TRAF3: variants seen among roughly 807,000 people sequenced by gnomAD.
TRAF3 encodes TNF receptor-associated factor 3.
TRAF3 carries 13 observed loss-of-function variants against 62.3 expected under a neutral mutation model. The ratio of observed to expected loss-of-function variants is 0.21; its 90% CI spans 0.14 to 0.33. TRAF3 has a LOEUF of 0.33. Among genes scored for constraint, TRAF3 ranks in the 10% least tolerant of loss-of-function variants. The pLI is 1.00. For missense variants in TRAF3, 440 were observed against 741.8 expected, an observed-to-expected ratio of 0.59 and a Z score of 4.73; for synonymous variants, 269 against 283.4, an observed-to-expected ratio of 0.95 and a Z score of 0.51.
At chr14:102,820,769 A>G (rs1192664235) in intron 1 of TRAF3, among the ~76,000 whole-genome samples, 1 of 149,922 alleles carries the variant, frequency 6.7e-6, no homozygotes, top group South Asian at 2.1e-4. Context: ...AGCTGGGGTT[A>G]TAGGCACCCA....
intron 3 of TRAF3, 60 bp downstream of exon 3, chr14:102,870,506 C>A (rs1888277985): frequency 6.3e-7 from 1 of 1,595,240 alleles, no homozygotes; most frequent in Non-Finnish European, 8.5e-7. Context: ...CTCACCCTCT[C>A]CTTCATTCGT....
At chr14:102,839,614 T>C (rs1334609216) in intron 2 of TRAF3, among the ~76,000 whole-genome samples, 1 of 152,252 alleles carries the variant, frequency 6.6e-6, no homozygotes, top group Admixed American at 6.5e-5. Context: ...TGCAGGTGGC[T>C]GTTTTCGGTC....
intron 10 of TRAF3, among the ~76,000 whole-genome samples, chr14:102,902,085 C>G (rs1220725839): frequency 2.6e-5 from 4 of 152,254 alleles, no homozygotes; most frequent in Non-Finnish European, 5.9e-5. Flanking sequence ...ACAGCTCCCA[C>G]CCCTCCAGGT....
intron 8 of TRAF3, among the ~76,000 whole-genome samples, chr14:102,890,189 T>G (rs1049833882): frequency 6.6e-6 from 1 of 152,194 alleles, no homozygotes; most frequent in African/African-American, 2.4e-5. Context: ...CTGCCGCACA[T>G]GTAGTGTGAG....
intron 1 of TRAF3, among the ~76,000 whole-genome samples, chr14:102,783,047 C>G (rs1172691211): frequency 1.3e-5 from 2 of 152,160 alleles, no homozygotes; most frequent in Admixed American, 1.3e-4. Flanking sequence ...GGCCTGCGTA[C>G]ACAAGGTAAT....
intron 1 of TRAF3, among the ~76,000 whole-genome samples, chr14:102,787,259 T>TC (rs1897552989): frequency 6.6e-6 from 1 of 152,214 alleles, no homozygotes. Context: ...AATCACAGTA[T>TC]ATTTGCACAA....
At chr14:102,898,254 A>T (rs769175317) in intron 10 of TRAF3, among the ~76,000 whole-genome samples, 11 of 152,358 alleles carry the variant, frequency 7.2e-5, no homozygotes, top group Non-Finnish European at 1.0e-4. Flanking sequence ...TATTAAATTA[A>T]TTTCATTTTT....
At chr14:102,834,811 G>A (rs974264266) in intron 2 of TRAF3, among the ~76,000 whole-genome samples, 1 of 151,800 alleles carries the variant, frequency 6.6e-6, no homozygotes, top group South Asian at 2.1e-4. Context: ...AGACAACCTA[G>A]GCAATACCAT....
chr14:102,877,094 T>C (rs1888718353), intron 6 of TRAF3, among the ~76,000 whole-genome samples: 1 of 148,172 alleles, frequency 6.7e-6, no homozygotes, highest in African/African-American at 2.6e-5. Context: ...GACCTTGTGC[T>C]CGATTCATAG....
chr14:102,883,231 G>T (rs1889168565), intron 6 of TRAF3, among the ~76,000 whole-genome samples: 2 of 152,224 alleles, frequency 1.3e-5, no homozygotes, highest in African/African-American at 4.8e-5. Flanking sequence ...ACGACAAGGA[G>T]ATGTGTCATA....
At chr14:102,811,550 G>GTTTTTTTTT (rs35064640) in intron 1 of TRAF3, among the ~76,000 whole-genome samples, 1 of 79,478 alleles carries the variant, frequency 1.3e-5, no homozygotes. Flanking sequence ...GCTGTAGGCG[G>GTTTTTTTTT]TTTTTTTTTT....
chr14:102,860,927 C>T (rs1383539439), intron 2 of TRAF3, among the ~76,000 whole-genome samples: 1 of 152,210 alleles, frequency 6.6e-6, no homozygotes, highest in African/African-American at 2.4e-5. Context: ...CATATGATTA[C>T]AAGGTCAAGC....
intron 4 of TRAF3, among the ~76,000 whole-genome samples, chr14:102,873,658 G>A (rs536269507): frequency 1.4e-4 from 21 of 152,270 alleles, no homozygotes; most frequent in South Asian, 8.3e-4. Context: ...AGGGGTGGGC[G>A]GGCCTCTGGT....
At chr14:102,869,804 TAA>T (rs1168298718) in intron 2 of TRAF3, among the ~76,000 whole-genome samples, 39 of 132,844 alleles carry the variant, frequency 2.9e-4, no homozygotes, top group Non-Finnish European at 3.0e-4. Flanking sequence ...AGACTCCGTC[TAA>T]AAAAAAAAAA....
In TRAF3 at chr14:102,812,733, C is replaced by G. The variant is rs560432470; in HGVS notation, c.-156-17601C>G. Among the ~76,000 whole-genome samples, 46 of 149,976 alleles carry G rather than the reference C, an allele frequency of 3.1e-4. 1 individual carries two copies. On this transcript the variant is annotated intron_variant, in intron 1 of 11. Coordinates refer to ENST00000392745, the MANE Select transcript of TRAF3 (RefSeq NM_145725.3). ...AGGAGATCGAGACCATCTTGGCTAA[C>G]ACGGTGAAACCCTGTCTTTACTAAA... is the stretch of plus-strand genomic sequence containing the variant.
intron 6 of TRAF3, among the ~76,000 whole-genome samples, chr14:102,883,251 AAGTT>A (rs977645764): frequency 4.6e-5 from 7 of 152,344 alleles, no homozygotes; most frequent in African/African-American, 1.7e-4. Flanking sequence ...ACAGTAGTGA[AAGTT>A]AGAGGCCTGC....
chr14:102,800,953 C>G (rs780251071), intron 1 of TRAF3, among the ~76,000 whole-genome samples: 1 of 151,748 alleles, frequency 6.6e-6, no homozygotes, highest in African/African-American at 2.4e-5. Context: ...CCAAGGCGGG[C>G]GGATCACGAG....
At chr14:102,859,195 A>C (rs992578740) in intron 2 of TRAF3, among the ~76,000 whole-genome samples, 6 of 84,478 alleles carry the variant, frequency 7.1e-5, no homozygotes, top group African/African-American at 1.1e-4. Flanking sequence ...ATTTAGGCCA[A>C]AAAAAAAAAA....
intron 1 of TRAF3, among the ~76,000 whole-genome samples, chr14:102,794,647 A>G (rs1307531999): frequency 6.6e-6 from 1 of 152,238 alleles, no homozygotes; most frequent in Non-Finnish European, 1.5e-5. Flanking sequence ...TTGATCTGGT[A>G]TACGCATGGT....
Sources: allele counts gnomAD v4.1 joint callset (sites outside exome capture counted in the v4.1 genomes callset), GRCh38; gene constraint gnomAD v4.1.1; transcripts MANE v1.5; gene names NCBI Gene and HGNC (gene_info 2026-07-23, HGNC 2026-07-21).